Variants in PCDH9 observed in about 807,000 individuals in gnomAD.
PCDH9 encodes the protein protocadherin 9, also known as protocadherin-9.
A neutral mutation model predicts 70.6 loss-of-function variants in PCDH9; 24 were observed. The ratio of observed to expected loss-of-function variants is 0.34; its 90% CI spans 0.25 to 0.48. The LOEUF (loss-of-function observed/expected upper bound fraction) is 0.48. PCDH9 is among the 20% of genes least tolerant of loss of function. PCDH9 has a pLI of 0.99. For missense variants in PCDH9, 1,281 were observed against 1,503.6 expected (o/e 0.85, Z 2.45); for synonymous variants, 562 against 558.5 (o/e 1.01, Z -0.09).
At chr13:66,753,857 C>CA (rs1424209588) in intron 3 of PCDH9, among the ~76,000 whole-genome samples, 2 of 152,042 alleles carry the variant, frequency 1.3e-5, no homozygotes, top group Non-Finnish European at 2.9e-5. Flanking sequence ...AATCAAGTGA[C>CA]AAAAACACAC....
intron 3 of PCDH9, among the ~76,000 whole-genome samples, chr13:66,773,225 G>A (rs1479904330): frequency 6.6e-6 from 1 of 152,152 alleles, no homozygotes; most frequent in Non-Finnish European, 1.5e-5. Context: ...AATGTTCAAT[G>A]GCTGGAAATG....
chr13:66,607,169 T>C (rs2077231628), intron 4 of PCDH9, among the ~76,000 whole-genome samples: 2 of 152,122 alleles, frequency 1.3e-5, no homozygotes, highest in African/African-American at 2.4e-5. Context: ...GTTAAGTAAG[T>C]TGTTTAAAAC....
At chr13:66,918,984 T>G (rs1172018015) in intron 2 of PCDH9, among the ~76,000 whole-genome samples, 1 of 151,244 alleles carries the variant, frequency 6.6e-6, no homozygotes, top group Non-Finnish European at 1.5e-5. Context: ...TGGAAAGCCA[T>G]CATTCTTTTT....
At position 67,205,262 on chromosome 13, in the gene PCDH9, A is replaced by G. The variant is rs927471265; in HGVS notation, c.3036+20143T>C. The G allele has an allele frequency of 4.6e-5, 7 of 152,312 alleles. No individual in the cohort carries two copies. The South Asian group carries it at 1.2e-3, about 27-fold the overall frequency. The allele number at this position is 152,312 out of a possible 1,614,324, so 9.4% of individuals were successfully genotyped here. A position where few individuals can be genotyped will look rare whatever the true frequency, so the allele number is the denominator to read the frequency against. On this transcript the variant is annotated intron_variant, in intron 2 of 4. Coordinates refer to ENST00000377865, the MANE Select transcript of PCDH9 (RefSeq NM_203487.3). ...AGGTGAATTTAACTTTCTCACATCA[A>G]TGATCTATCTAAAATAGTCCCTTCC...
chr13:67,164,440 T>C (rs2088049905), intron 2 of PCDH9, among the ~76,000 whole-genome samples: 1 of 151,894 alleles, frequency 6.6e-6, no homozygotes, highest in Admixed American at 6.6e-5. Context: ...CCTGGTGTGG[T>C]GGCAGGCACC....
At chr13:67,039,811 A>T (rs573783327) in intron 2 of PCDH9, among the ~76,000 whole-genome samples, 2 of 152,186 alleles carry the variant, frequency 1.3e-5, no homozygotes, top group Non-Finnish European at 2.9e-5. Context: ...GAAGTTGAAC[A>T]AAAGTGTGGG....
chr13:66,704,473 A>G (rs1201997118), intron 3 of PCDH9, among the ~76,000 whole-genome samples: 3 of 152,222 alleles, frequency 2.0e-5, no homozygotes. Flanking sequence ...AAGCAAATTT[A>G]GTTGGATTTA....
chr13:67,213,808 C>T (rs2089527999), intron 2 of PCDH9: 2 of 152,066 alleles, frequency 1.3e-5, no homozygotes, highest in Admixed American at 1.3e-4. Context: ...ACTAAAAGAC[C>T]AATCCAAAAC....
At chr13:66,771,792 A>G (rs2079811814) in intron 3 of PCDH9, among the ~76,000 whole-genome samples, 1 of 152,214 alleles carries the variant, frequency 6.6e-6, no homozygotes, top group South Asian at 2.1e-4. Context: ...TGAGACTTAT[A>G]AAATTTTCCC....
At chr13:66,997,392 T>A (rs2084139461) in intron 2 of PCDH9, among the ~76,000 whole-genome samples, 1 of 152,094 alleles carries the variant, frequency 6.6e-6, no homozygotes, top group African/African-American at 2.4e-5. Flanking sequence ...AAATCCTATG[T>A]GAACTCATAG....
intron 3 of PCDH9, among the ~76,000 whole-genome samples, chr13:66,789,911 A>T (rs1391362449): frequency 2.0e-5 from 3 of 152,150 alleles, no homozygotes; most frequent in Non-Finnish European, 2.9e-5. Flanking sequence ...TCAGCAAAAA[A>T]TTCTGTCTAT....
In PCDH9 at chr13:66,829,015, T is replaced by C. The variant is rs540249535; in HGVS notation, c.3138+74489A>G. Among the ~76,000 whole-genome samples, 41 of 151,528 alleles carry C rather than the reference T, an allele frequency of 2.7e-4. 1 individual carries two copies. In the East Asian group the frequency reaches 8.0e-3, roughly 29 times the overall value. On this transcript the variant is annotated intron_variant, in intron 3 of 4. Coordinates refer to ENST00000377865, the MANE Select transcript of PCDH9 (RefSeq NM_203487.3). ...AAGAAAGATTCTGTGGGTCTTTTTT[T>C]GTTTTTTTGTTTTTTTGTTTTTGAG... is the stretch of plus-strand genomic sequence containing the variant.
chr13:66,971,243 T>C (rs1405875592), intron 2 of PCDH9, among the ~76,000 whole-genome samples: 1 of 152,082 alleles, frequency 6.6e-6, no homozygotes, highest in Non-Finnish European at 1.5e-5. Context: ...TCACAAAGGA[T>C]ACACGATTGT....
chr13:66,954,930 A>AT (rs1395827002), intron 2 of PCDH9, among the ~76,000 whole-genome samples: 1 of 151,922 alleles, frequency 6.6e-6, no homozygotes. Context: ...CGCCCGGCTA[A>AT]TTTTTTGTAT....
intron 2 of PCDH9, among the ~76,000 whole-genome samples, chr13:67,126,361 G>A (rs1238084515): frequency 6.6e-6 from 1 of 152,040 alleles, no homozygotes; most frequent in Non-Finnish European, 1.5e-5. Context: ...TTTAAAGATT[G>A]AATTTGTAGA....
At chr13:66,628,371 A>G (rs2077525573) in intron 4 of PCDH9, among the ~76,000 whole-genome samples, 1 of 152,234 alleles carries the variant, frequency 6.6e-6, no homozygotes, top group Non-Finnish European at 1.5e-5. Flanking sequence ...AAATATTACC[A>G]CATGATTCTT....
chr13:66,353,373 C>T (rs552017744), intron 4 of PCDH9, among the ~76,000 whole-genome samples: 16 of 152,148 alleles, frequency 1.1e-4, no homozygotes, highest in African/African-American at 2.9e-4. Flanking sequence ...TGCTAGCAGG[C>T]GGTAGATAGT....
In PCDH9 at chr13:67,049,722, C is replaced by A. The variant is rs562240938; in HGVS notation, c.3037-146117G>T. ...GAGATATTTACCTTGCCAGTCTAAG[C>A]AATAACTGCCAATTTGGGAAACTCT... is the stretch of plus-strand genomic sequence containing the variant. On this transcript the variant is annotated intron_variant, in intron 2 of 4. Transcript: ENST00000377865. Among the ~76,000 whole-genome samples the A allele has an allele frequency of 2.6e-5, 4 of 152,242 alleles. No individual in the cohort carries two copies. In the East Asian group the frequency reaches 7.7e-4, roughly 29 times the overall value.
intron 2 of PCDH9, among the ~76,000 whole-genome samples, chr13:67,048,634 C>A (rs1241627986): frequency 6.6e-6 from 1 of 152,134 alleles, no homozygotes; most frequent in Non-Finnish European, 1.5e-5. Flanking sequence ...GGGAATAGAA[C>A]AAATGTGAGC....
Sources: allele counts gnomAD v4.1 joint callset (sites outside exome capture counted in the v4.1 genomes callset), GRCh38; gene constraint gnomAD v4.1.1; transcripts MANE v1.5; gene names NCBI Gene and HGNC (gene_info 2026-07-23, HGNC 2026-07-21).